STRN: variants seen among roughly 807,000 people sequenced by gnomAD.
STRN encodes striatin.
Under a neutral mutation model 96.3 loss-of-function variants are expected in STRN, and 53 were observed. The ratio of observed to expected loss-of-function variants is 0.55; its 90% CI spans 0.44 to 0.69. The LOEUF (loss-of-function observed/expected upper bound fraction) is 0.69. Among genes scored for constraint, STRN ranks in the 30% least tolerant of loss-of-function variants. The pLI is 0.00. For synonymous variants in STRN, 428 were observed against 355.9 expected (o/e 1.20, Z -2.28); for missense variants, 987 against 963.9 (o/e 1.02, Z -0.32).
rs1052562475 is a variant in STRN, at chr2:36,855,108, G to C, written c.1978+104C>G. 5 of 1,223,792 alleles carry C rather than the reference G, an allele frequency of 4.1e-6. No homozygotes were observed. The African/African-American group carries it at 7.7e-5, about 19-fold the overall frequency. 75.8% of individuals were successfully genotyped at this position (1,223,792 alleles called of 1,614,324 possible). On this transcript the variant is annotated intron_variant, in intron 15 of 17. Transcript: ENST00000263918. ...ACTGTGTTCTGAAAGTTAAGAGACA[G>C]AAAGCTTTATAATGACAAATATTTT...
intron 15 of STRN, among the ~76,000 whole-genome samples, chr2:36,851,409 G>A (rs185228223): frequency 2.1e-4 from 32 of 152,186 alleles, no homozygotes; most frequent in African/African-American, 7.7e-4. Flanking sequence ...CTTGAACCCG[G>A]GAGATGGAAG....
intron 3 of STRN, among the ~76,000 whole-genome samples, chr2:36,912,897 T>C (rs1488877311): frequency 1.3e-5 from 2 of 152,186 alleles, no homozygotes; most frequent in African/African-American, 4.8e-5. Flanking sequence ...TCATCCTTTT[T>C]TCACCCCCTA....
At chr2:36,916,719 C>T (rs1004029022) in intron 2 of STRN, among the ~76,000 whole-genome samples, 5 of 152,046 alleles carry the variant, frequency 3.3e-5, no homozygotes, top group East Asian at 1.9e-4. Context: ...TTTTTTTATA[C>T]TAGTCAAGAT....
In STRN at chr2:36,866,686, G is replaced by T. The variant is rs186423696; in HGVS notation, c.1547+1128C>A. ...TATAAATCTTTTTGACAGTCTCTAAGAATTTATTAATCTGGGTGCTCCTAT... is the reference window on the plus strand; with the variant it reads ...TATAAATCTTTTTGACAGTCTCTAATAATTTATTAATCTGGGTGCTCCTAT... On this transcript the variant is annotated intron_variant, in intron 12 of 17. Coordinates refer to ENST00000263918, the MANE Select transcript of STRN (RefSeq NM_003162.4). Among the ~76,000 whole-genome samples the T allele has an allele frequency of 2.0e-5, 3 of 152,272 alleles. No homozygotes were observed. In the East Asian group the frequency reaches 5.8e-4, roughly 29 times the overall value.
intron 1 of STRN, among the ~76,000 whole-genome samples, chr2:36,931,808 C>T (rs535274167): frequency 3.9e-5 from 6 of 152,280 alleles, no homozygotes; most frequent in Non-Finnish European, 5.9e-5. Context: ...TTTAAAACTG[C>T]TTGCTTGCTT....
chr2:36,910,684 AAC>A (rs1669942397), intron 3 of STRN, among the ~76,000 whole-genome samples: 2 of 152,200 alleles, frequency 1.3e-5, no homozygotes, highest in Admixed American at 1.3e-4. Flanking sequence ...AAGAAACAAG[AAC>A]AGACTGAACA....
rs1314756009 is a variant in STRN, at chr2:36,846,387, T to TTTTATATATATA, written c.*3068_*3069insTATATATATAAA. On this transcript the variant is annotated 3_prime_UTR_variant, in exon 18 of 18. Coordinates refer to ENST00000263918, the MANE Select transcript of STRN (RefSeq NM_003162.4). ...CAAAACAGTAAAATGCACCTATGGT[T>TTTTATATATATA]TATATATATATATATATATATATAT... 9.8e-4 allele frequency: 77 copies of TTTTATATATATA among 78,324 alleles called. No individual in the cohort carries two copies. The highest frequency in any genetic ancestry group is 1.4e-3 in the Non-Finnish European group (64 of 46,184). The allele number at this position is 78,324 out of a possible 1,614,324, so 4.9% of individuals were successfully genotyped here.
chr2:36,884,562 GTT>G (rs1330126148), intron 8 of STRN, among the ~76,000 whole-genome samples: 1 of 152,102 alleles, frequency 6.6e-6, no homozygotes, highest in Non-Finnish European at 1.5e-5. Flanking sequence ...TGTTTTGACT[GTT>G]TTATATAGGA....
At chr2:36,951,481 C>A (rs1373988441) in intron 1 of STRN, among the ~76,000 whole-genome samples, 1 of 152,122 alleles carries the variant, frequency 6.6e-6, no homozygotes, top group Non-Finnish European at 1.5e-5. Flanking sequence ...ACACTGCTCG[C>A]CTAAAACCAA....
Position 36,899,427 on chromosome 2 carries a change from C to T in STRN, c.795+96G>A, listed in dbSNP as rs539855108. 40 of 1,152,586 alleles carry T rather than the reference C, an allele frequency of 3.5e-5. No homozygotes were observed. The African/African-American group carries it at 4.5e-4, about 13-fold the overall frequency. 71.4% of individuals were successfully genotyped at this position (1,152,586 alleles called of 1,614,324 possible). ...CAAATTCATGAAAAAGAAAAAGCTA[C>T]GGGTTAAGATTAAAGAACATGGATT... On this transcript the variant is annotated intron_variant, in intron 6 of 17. Coordinates refer to ENST00000263918, the MANE Select transcript of STRN (RefSeq NM_003162.4).
chr2:36,918,111 C>A (rs1251805451), intron 2 of STRN, among the ~76,000 whole-genome samples: 2 of 151,976 alleles, frequency 1.3e-5, no homozygotes, highest in Non-Finnish European at 2.9e-5. Context: ...TATGTTTAGT[C>A]CAAATTATTT....
At position 36,893,912 on chromosome 2, in the gene STRN, T is replaced by C. The variant is rs886220384; in HGVS notation, c.917A>G (p.Asp306Gly). Residue 306 changes from aspartate to glycine, a missense_variant, in exon 7 of 18, where the codon GAT becomes GGT. By Grantham distance (94) the Asp-to-Gly change is moderately conservative. Transcript: ENST00000263918. ...EGDNESRSAG[D>G]GTDWEKEDQC... ...TGCTTCCTTACCCCAGTCTGTTCCA[T>C]CGCCTGCACTTCTAGATTCATTGTC... 4 of 1,611,724 alleles carry C rather than the reference T, an allele frequency of 2.5e-6. No individual in the cohort carries two copies. Among genetic ancestry groups the C allele is most frequent in the East Asian group, 2.2e-5 (1 of 44,730 alleles).
rs1159531782 is a variant in STRN, at chr2:36,957,744, C to CTTTTTTTTTTTTTTTT, written c.234+8470_234+8485dup. On this transcript the variant is annotated intron_variant, in intron 1 of 17. Transcript: ENST00000263918. ...TTAGTCTCATAGTTCTTCTTTTTGT[C>CTTTTTTTTTTTTTTTT]TTTTTTTTTTTTTTTTTTTTTTTTT... Among the ~76,000 whole-genome samples, 29 of 89,210 alleles carry CTTTTTTTTTTTTTTTT rather than the reference C, an allele frequency of 3.3e-4. 4 individuals carry two copies. The highest frequency in any genetic ancestry group is 1.1e-3 in the East Asian group (2 of 1,798). The allele number at this position is 89,210 out of a possible 152,430, so 58.5% of individuals were successfully genotyped here. A position where few individuals can be genotyped will look rare whatever the true frequency, so the allele number is the denominator to read the frequency against.
At chr2:36,890,818 G>A (rs1572651889) in intron 7 of STRN, among the ~76,000 whole-genome samples, 2 of 152,090 alleles carry the variant, frequency 1.3e-5, no homozygotes, top group Non-Finnish European at 2.9e-5. Flanking sequence ...TTGGGCAAAT[G>A]AACCTACCAA....
chr2:36,941,337 C>G (rs1279081406), intron 1 of STRN, among the ~76,000 whole-genome samples: 1 of 152,144 alleles, frequency 6.6e-6, no homozygotes, highest in East Asian at 1.9e-4. Flanking sequence ...GGTCATTGCG[C>G]CTTGGAAAAT....
intron 3 of STRN, among the ~76,000 whole-genome samples, chr2:36,913,760 T>G (rs773836049): frequency 1.1e-4 from 16 of 152,192 alleles, no homozygotes; most frequent in Non-Finnish European, 1.8e-4. Context: ...GTACTAACTA[T>G]TACATACTGA....
At chr2:36,927,535 G>T (rs1315545823) in intron 1 of STRN, among the ~76,000 whole-genome samples, 3 of 140,380 alleles carry the variant, frequency 2.1e-5, no homozygotes, top group South Asian at 4.9e-4. Context: ...GGGGGGGGGG[G>T]GTGGTAATCA....
intron 4 of STRN, among the ~76,000 whole-genome samples, chr2:36,905,017 T>G (rs1669784961): frequency 6.6e-6 from 1 of 151,094 alleles, no homozygotes. Flanking sequence ...TTGCCCAGGC[T>G]GGAGTGCAAT....
chr2:36,853,094 T>A (rs920095417), intron 15 of STRN, among the ~76,000 whole-genome samples: 4 of 151,946 alleles, frequency 2.6e-5, no homozygotes, highest in African/African-American at 9.7e-5. Context: ...GAGGTGGAGG[T>A]TGCAGTAAGC....
Sources: allele counts gnomAD v4.1 joint callset (sites outside exome capture counted in the v4.1 genomes callset), GRCh38; gene constraint gnomAD v4.1.1; transcripts MANE v1.5; gene names NCBI Gene and HGNC (gene_info 2026-07-23, HGNC 2026-07-21).